The following TRIQK variants were observed in gnomAD, a reference collection of about 807,000 sequenced individuals.
TRIQK encodes triple QxxK/R motif-containing protein.
Under a neutral mutation model 10.8 loss-of-function variants are expected in TRIQK, and 10 were observed. That is an observed-to-expected ratio of 0.92 (90% CI 0.57 to 1.57). The LOEUF (loss-of-function observed/expected upper bound fraction) is 1.57. TRIQK is among the 40% of genes most tolerant of loss of function. The pLI is 0.00. For missense variants in TRIQK, 107 were observed against 97.7 expected (o/e 1.09, Z -0.40); for synonymous variants, 33 against 33.7 (o/e 0.98, Z 0.07).
chr8:93,017,097 A>AAT (rs1813390639), intron 1 of TRIQK, among the ~76,000 whole-genome samples: 1 of 144,170 alleles, frequency 6.9e-6, no homozygotes, highest in African/African-American at 2.6e-5. Context: ...CAAATGTAGC[A>AAT]ATATATATAC....
chr8:92,966,191 G>C (rs1023828627), upstream of TRIQK: 1 of 152,294 alleles, frequency 6.6e-6, no homozygotes, highest in African/African-American at 2.4e-5. Context: ...GCCTGCTCTC[G>C]GATTGGTCGG....
chr8:92,916,427 T>C (rs1030645816), intron 3 of TRIQK, among the ~76,000 whole-genome samples: 1 of 152,148 alleles, frequency 6.6e-6, no homozygotes, highest in African/African-American at 2.4e-5. Context: ...ATTTCCAGTC[T>C]TCCTTAATCC....
chr8:92,967,241 C>T (rs1449864644), upstream of TRIQK, among the ~76,000 whole-genome samples: 2 of 150,956 alleles, frequency 1.3e-5, no homozygotes, highest in East Asian at 3.9e-4. Context: ...CATATTAAAC[C>T]AAAACCCAGA....
chr8:93,011,460 G>T (rs572805391), intron 1 of TRIQK, among the ~76,000 whole-genome samples: 1 of 151,994 alleles, frequency 6.6e-6, no homozygotes, highest in Non-Finnish European at 1.5e-5. Context: ...ATTGGTGGTG[G>T]TTATAGGTAG....
At chr8:93,001,817 T>C (rs574085434) in intron 1 of TRIQK, among the ~76,000 whole-genome samples, 1 of 152,316 alleles carries the variant, frequency 6.6e-6, no homozygotes, top group East Asian at 1.9e-4. Context: ...ATTTTATCCA[T>C]AGCTACAGAA....
At chr8:92,956,350 A>T (rs971974120) in intron 1 of TRIQK, among the ~76,000 whole-genome samples, 5 of 151,778 alleles carry the variant, frequency 3.3e-5, no homozygotes, top group Admixed American at 1.3e-4. Flanking sequence ...AGGTCAATAG[A>T]GAAAGAAAAT....
At chr8:92,943,289 C>T (rs1187989777) in intron 2 of TRIQK, among the ~76,000 whole-genome samples, 3 of 152,054 alleles carry the variant, frequency 2.0e-5, no homozygotes, top group Admixed American at 1.3e-4. Flanking sequence ...GTCAAAATCC[C>T]GAAGACATCC....
chr8:92,987,191 C>A (rs1361060545), intron 1 of TRIQK, among the ~76,000 whole-genome samples: 1 of 152,058 alleles, frequency 6.6e-6, no homozygotes, highest in African/African-American at 2.4e-5. Flanking sequence ...TCACATAGGC[C>A]ATTGAAGCAT....
At chr8:92,951,409 T>C (rs187736225) in intron 2 of TRIQK, among the ~76,000 whole-genome samples, 5 of 152,084 alleles carry the variant, frequency 3.3e-5, no homozygotes, top group Admixed American at 3.3e-4. Context: ...ACTCTCAAGG[T>C]TGGAGAAATA....
chr8:92,946,914 C>T (rs1189252215), intron 2 of TRIQK, among the ~76,000 whole-genome samples: 1 of 152,034 alleles, frequency 6.6e-6, no homozygotes, highest in African/African-American at 2.4e-5. Flanking sequence ...CGCCTGCCAC[C>T]ACGCCTGGCT....
chr8:92,981,971 G>A (rs1812991080), intron 1 of TRIQK, among the ~76,000 whole-genome samples: 2 of 151,650 alleles, frequency 1.3e-5, no homozygotes, highest in African/African-American at 4.8e-5. Context: ...TAGACTTACA[G>A]CTTACTATGA....
chr8:93,009,574 C>G (rs1041170800), intron 1 of TRIQK, among the ~76,000 whole-genome samples: 1 of 151,812 alleles, frequency 6.6e-6, no homozygotes, highest in Non-Finnish European at 1.5e-5. Context: ...CACCACTGCA[C>G]TCCAGCCTGG....
intron 1 of TRIQK, among the ~76,000 whole-genome samples, chr8:92,977,731 T>C (rs1321184707): frequency 1.3e-5 from 2 of 152,164 alleles, no homozygotes; most frequent in Non-Finnish European, 2.9e-5. Context: ...ATGCTAGACA[T>C]TTTTAATTTT....
intron 1 of TRIQK, among the ~76,000 whole-genome samples, chr8:92,988,749 C>G (rs763701288): frequency 8.5e-5 from 13 of 152,204 alleles, no homozygotes; most frequent in Non-Finnish European, 1.5e-4. Context: ...ATACTTATCT[C>G]TCTTAACAAT....
chr8:93,000,730 G>A (rs1218555045), intron 1 of TRIQK, among the ~76,000 whole-genome samples: 1 of 152,076 alleles, frequency 6.6e-6, no homozygotes, highest in East Asian at 1.9e-4. Flanking sequence ...CCAAATTTAA[G>A]TTGTTATCAG....
At chr8:92,889,423 G>T (rs556397084) in intron 4 of TRIQK, among the ~76,000 whole-genome samples, 1 of 151,660 alleles carries the variant, frequency 6.6e-6, no homozygotes, top group South Asian at 2.1e-4. Context: ...GAAAGATTGA[G>T]TAAAATTTAT....
intron 1 of TRIQK, among the ~76,000 whole-genome samples, chr8:92,959,798 C>T (rs539507816): frequency 1.3e-5 from 2 of 152,092 alleles, no homozygotes; most frequent in South Asian, 4.2e-4. Context: ...AGTTGAAAAA[C>T]CATAAGTCAA....
chr8:92,989,450 T>C (rs751341003), intron 1 of TRIQK, among the ~76,000 whole-genome samples: 1 of 152,130 alleles, frequency 6.6e-6, no homozygotes. Context: ...GAGCTCTGCC[T>C]CCTGTCAGAT....
intron 1 of TRIQK, among the ~76,000 whole-genome samples, chr8:93,005,899 T>TA (rs1472078707): frequency 6.6e-6 from 1 of 151,944 alleles, no homozygotes; most frequent in African/African-American, 2.4e-5. Context: ...ACCTTGTAGG[T>TA]AAAACACCCT....
Sources: allele counts gnomAD v4.1 joint callset (sites outside exome capture counted in the v4.1 genomes callset), GRCh38; gene constraint gnomAD v4.1.1; transcripts MANE v1.5; gene names NCBI Gene and HGNC (gene_info 2026-07-23, HGNC 2026-07-21).